CSMD1: variants seen among roughly 807,000 people sequenced by gnomAD.
The protein encoded by CSMD1 is CUB and Sushi multiple domains 1.
Under a neutral mutation model 417.5 loss-of-function variants are expected in CSMD1, and 213 were observed. The observed-to-expected ratio is 0.51, with a 90% CI of 0.46 to 0.57. The LOEUF is 0.57. Among genes scored for constraint, CSMD1 ranks in the 20% least tolerant of loss-of-function variants. The probability of loss-of-function intolerance (pLI) is 0.00; values close to 1 mark genes in which losing one functional copy is unlikely to be tolerated. For synonymous variants in CSMD1, 2,862 were observed against 1,736.8 expected (o/e 1.65, Z -16.11); for missense variants, 6,923 against 4,529.7 (o/e 1.53, Z -15.17).
chr8:3,995,632 G>C (rs1242437767), intron 5 of CSMD1, among the ~76,000 whole-genome samples: 2 of 152,180 alleles, frequency 1.3e-5, no homozygotes, highest in African/African-American at 2.4e-5. Flanking sequence ...GCCATCTCTT[G>C]TCCTCTGCAT....
rs763842184 is a variant in CSMD1 at position 3,108,790 on chromosome 8, TTC to T, written c.6609-44_6609-43del. 279 of 1,561,362 alleles carry T rather than the reference TTC, an allele frequency of 1.8e-4. 1 individual carries two copies. In the African/African-American group the frequency reaches 3.4e-3, roughly 19 times the overall value. ...GAGGTGGCTGGCTAAGGATATTTACTTCTGAGTGAGATTTATGGAAACTTTGG... is the reference window on the plus strand; with the variant it reads ...GAGGTGGCTGGCTAAGGATATTTACTTGAGTGAGATTTATGGAAACTTTGG... On this transcript the variant is annotated intron_variant, in intron 43 of 69. Coordinates refer to ENST00000635120, the MANE Select transcript of CSMD1 (RefSeq NM_033225.6).
At chr8:3,611,466 T>C (rs1478173535) in intron 8 of CSMD1, among the ~76,000 whole-genome samples, 1 of 152,130 alleles carries the variant, frequency 6.6e-6, no homozygotes, top group Non-Finnish European at 1.5e-5. Context: ...CAACTATCAC[T>C]GCTAAGATTG....
intron 1 of CSMD1, among the ~76,000 whole-genome samples, chr8:4,837,053 T>A (rs6988445): frequency 2.0e-5 from 3 of 150,724 alleles, no homozygotes; most frequent in Admixed American, 1.3e-4. Flanking sequence ...AGACCACCCA[T>A]AAGACAGGGC....
intron 2 of CSMD1, among the ~76,000 whole-genome samples, chr8:4,571,646 T>G (rs1396945793): frequency 1.3e-5 from 2 of 152,100 alleles, no homozygotes; most frequent in Non-Finnish European, 2.9e-5. Flanking sequence ...GTTCTATAGA[T>G]GTACTAGGTC....
intron 5 of CSMD1, among the ~76,000 whole-genome samples, chr8:3,819,525 G>C (rs899971534): frequency 4.1e-5 from 5 of 122,614 alleles, no homozygotes; most frequent in Middle Eastern, 4.2e-3. Context: ...AAAAGCGAAG[G>C]TGATTTCTAC....
chr8:4,430,430 G>A lies in CSMD1; in HGVS notation c.303-10365C>T, dbSNP rs115427443. 8.0e-3 allele frequency among the ~76,000 whole-genome samples: 1,214 copies of A among 152,022 alleles called. 13 individuals carry two copies. Among genetic ancestry groups the A allele is most frequent in the African/African-American group, 0.028 (1,151 of 41,472 alleles). On this transcript the variant is annotated intron_variant, in intron 2 of 69. Coordinates refer to ENST00000635120, the MANE Select transcript of CSMD1 (RefSeq NM_033225.6). ...GTTATGACATAGTCTACCTTCTCCC[G>A]GGACCCTGAGAGGAATTTCATTTGG...
intron 37 of CSMD1, among the ~76,000 whole-genome samples, chr8:3,178,321 G>C (rs1017627479): frequency 1.3e-5 from 2 of 151,974 alleles, no homozygotes; most frequent in East Asian, 1.9e-4. Flanking sequence ...GATAGAAGTA[G>C]ATGTAGATAA....
intron 2 of CSMD1, among the ~76,000 whole-genome samples, chr8:4,484,535 C>T (rs531159436): frequency 1.3e-5 from 2 of 152,082 alleles, no homozygotes; most frequent in East Asian, 1.9e-4. Flanking sequence ...CTCACAACAC[C>T]CCACACTCAG....
intron 3 of CSMD1, among the ~76,000 whole-genome samples, chr8:4,184,471 C>T (rs776152352): frequency 6.6e-6 from 1 of 152,116 alleles, no homozygotes; most frequent in Non-Finnish European, 1.5e-5. Context: ...TCAAAGGCCA[C>T]CAATGGCAGA....
intron 1 of CSMD1, among the ~76,000 whole-genome samples, chr8:4,680,978 G>GAC (rs1563130451): frequency 6.8e-6 from 1 of 146,146 alleles, no homozygotes; most frequent in African/African-American, 2.6e-5. Context: ...GTGTGTGTGA[G>GAC]AGAGAGAGAG....
intron 4 of CSMD1, among the ~76,000 whole-genome samples, chr8:4,024,715 T>C (rs180928727): frequency 1.6e-4 from 25 of 152,272 alleles, no homozygotes; most frequent in Admixed American, 5.9e-4. Context: ...TGGTGGTTCA[T>C]TGGAGTTGCA....
chr8:3,001,695 T>C (rs945030651), intron 52 of CSMD1, among the ~76,000 whole-genome samples: 3 of 152,208 alleles, frequency 2.0e-5, no homozygotes, highest in Non-Finnish European at 4.4e-5. Context: ...TCTTTGAAGT[T>C]ATAGAAAGAA....
Position 3,133,900 on chromosome 8 carries a change from C to T in CSMD1, c.6241+8565G>A, listed in dbSNP as rs113144123. Reference sequence around the variant, plus strand: ...CTAGAAAGTGCTCTGTCAGGCCGGGCGCGGTGGCTCACGCCTGTAATCTCA... The same window carrying T: ...CTAGAAAGTGCTCTGTCAGGCCGGGTGCGGTGGCTCACGCCTGTAATCTCA... On this transcript the variant is annotated intron_variant, in intron 41 of 69. Transcript: ENST00000635120. Among the ~76,000 whole-genome samples, 1,505 of 152,314 alleles carry T rather than the reference C, an allele frequency of 9.9e-3. 21 individuals are homozygous for T. Among genetic ancestry groups the T allele is most frequent in the African/African-American group, 0.03 (1,231 of 41,570 alleles).
chr8:3,136,500 G>C (rs750554187), intron 41 of CSMD1, among the ~76,000 whole-genome samples: 68 of 152,110 alleles, frequency 4.5e-4, no homozygotes, highest in Non-Finnish European at 8.8e-4. Flanking sequence ...CCTGACTTCA[G>C]CTGATCTACC....
chr8:4,256,116 A>G, intron 3 of CSMD1, among the ~76,000 whole-genome samples: 1 of 152,232 alleles, frequency 6.6e-6, no homozygotes, highest in South Asian at 2.1e-4. Context: ...GCTCCCCTGC[A>G]AAATGCTTTC....
chr8:3,082,552 G>A (rs567819237), intron 49 of CSMD1, among the ~76,000 whole-genome samples: 1 of 152,260 alleles, frequency 6.6e-6, no homozygotes, highest in African/African-American at 2.4e-5. Flanking sequence ...AGAGCCATAA[G>A]AGCTGGGAAT....
Position 4,512,214 on chromosome 8 carries a change from G to C in CSMD1, c.303-92149C>G, listed in dbSNP as rs142980016. On this transcript the variant is annotated intron_variant, in intron 2 of 69. Coordinates refer to ENST00000635120, the MANE Select transcript of CSMD1 (RefSeq NM_033225.6). ...ATCACATCAACACATGCAGAGAAAA[G>C]CAATTAACAAAATCCAATACATATT... is the stretch of plus-strand genomic sequence containing the variant. Among the ~76,000 whole-genome samples, 6 of 152,166 alleles carry C rather than the reference G, an allele frequency of 3.9e-5. No individual in the cohort carries two copies. The East Asian group carries it at 1.2e-3, about 29-fold the overall frequency.
intron 3 of CSMD1, among the ~76,000 whole-genome samples, chr8:4,397,232 T>C (rs1056076705): frequency 1.3e-5 from 2 of 151,158 alleles, no homozygotes; most frequent in South Asian, 4.2e-4. Flanking sequence ...CCCTTCTGTT[T>C]ATTTAGCGTG....
intron 54 of CSMD1, among the ~76,000 whole-genome samples, chr8:2,985,748 TAAG>T (rs1805839399): frequency 6.6e-6 from 1 of 152,100 alleles, no homozygotes; most frequent in Admixed American, 6.5e-5. Flanking sequence ...GGCAAGGCCT[TAAG>T]AAGTTGCTTT....
Sources: allele counts gnomAD v4.1 joint callset (sites outside exome capture counted in the v4.1 genomes callset), GRCh38; gene constraint gnomAD v4.1.1; transcripts MANE v1.5; gene names NCBI Gene and HGNC (gene_info 2026-07-23, HGNC 2026-07-21).